The following INTS6L variants were observed in gnomAD, a reference collection of about 807,000 sequenced individuals.
INTS6L encodes the protein integrator complex subunit 6-like.
INTS6L carries 18 observed loss-of-function variants against 64.7 expected under a neutral mutation model. The ratio of observed to expected loss-of-function variants is 0.28; its 90% confidence interval spans 0.19 to 0.41. INTS6L has a LOEUF of 0.41. Among genes scored for constraint, INTS6L ranks in the 10% least tolerant of loss-of-function variants. INTS6L has a pLI of 1.00. For synonymous variants in INTS6L, 227 were observed against 235.9 expected (o/e 0.96, Z 0.34); for missense variants, 533 against 661.0 (o/e 0.81, Z 2.12).
Position 135,549,690 on chromosome X carries a change from C to A in INTS6L, c.791C>A (p.Pro264Gln). The A allele has an allele frequency of 8.3e-7, 1 of 1,211,798 alleles. No homozygotes were observed. The highest frequency in any genetic ancestry group is 1.1e-6 in the Non-Finnish European group (1 of 895,330). Residue 264 changes from proline (P) to glutamine (Q), a missense_variant, in exon 7 of 18, where the codon CCA becomes CAA. Pro to Gln is a moderately conservative substitution (Grantham distance 76, BLOSUM62 -1). Transcript: ENST00000639893. ...SRPSNSFAAQ[P>Q]WHSCHKLIYV... ...CCAAGCAATTCATTTGCTGCTCAGC[C>A]ATGGCATAGTTGTCATAAACTCATT... is the stretch of plus-strand genomic sequence containing the variant.
chrX:135,578,162 T>C (rs185911189), intron 15 of INTS6L, among the ~76,000 whole-genome samples: 23 of 112,007 alleles, frequency 2.1e-4, no homozygotes, highest in Non-Finnish European at 3.9e-4. Flanking sequence ...TGTCCTTCAC[T>C]GCGTTCTCTT....
In INTS6L at chrX:135,547,155, G is replaced by T. The variant is rs2086378191; in HGVS notation, c.632G>T (p.Arg211Ile). Residue 211 changes from arginine to isoleucine, a missense_variant, in exon 6 of 18, where the codon AGA (arginine) becomes ATA (isoleucine). Arg to Ile is a moderately conservative substitution (Grantham distance 97, BLOSUM62 -3). Coordinates refer to ENST00000639893, the MANE Select transcript of INTS6L (RefSeq NM_001351601.3). ...EVTGGRSYCV[R>I]TQRMLNQCLE... ...GGGATAGGTCGCTCCTACTGTGTGA[G>T]AACACAAAGAATGTTGAATCAATGT... is the stretch of plus-strand genomic sequence containing the variant. 8.3e-7 allele frequency: 1 copy of T among 1,209,441 alleles called. No individual in the cohort carries two copies. The highest frequency in any genetic ancestry group is 1.1e-6 in the Non-Finnish European group (1 of 894,321).
At chrX:135,560,318 C>T (rs1556521469) in intron 9 of INTS6L, among the ~76,000 whole-genome samples, 1 of 111,777 alleles carries the variant, frequency 8.9e-6, no homozygotes, top group African/African-American at 3.3e-5. Context: ...TGTAGATTCC[C>T]TGGAATTTTC....
chrX:135,541,499 C>T (rs1194529967), intron 2 of INTS6L, among the ~76,000 whole-genome samples: 1 of 112,248 alleles, frequency 8.9e-6, no homozygotes, highest in African/African-American at 3.2e-5. Flanking sequence ...TCCAAACTAG[C>T]CACACATCAA....
chrX:135,571,110 C>A (rs148519767), intron 11 of INTS6L: 4,968 of 111,223 alleles, frequency 0.045, 102 homozygotes, highest in Non-Finnish European at 0.07. Context: ...CCTCTCTTCT[C>A]ACCCTCCACC....
chrX:135,551,083 A>T (rs982872512), intron 7 of INTS6L, among the ~76,000 whole-genome samples: 2 of 112,208 alleles, frequency 1.8e-5, no homozygotes, highest in African/African-American at 3.2e-5. Flanking sequence ...CAACCCCCAA[A>T]CATCTTATAA....
intron 17 of INTS6L, 128 bp from the exon 18 acceptor site, chrX:135,581,400 C>A: frequency 3.6e-6 from 2 of 548,422 alleles, no homozygotes; most frequent in Non-Finnish European, 5.8e-6. Context: ...TAAGACATAT[C>A]TTTCCATGAG....
In INTS6L at chrX:135,547,262, G is replaced by C. The variant is rs782217865; in HGVS notation, c.739G>C (p.Glu247Gln). 6.6e-6 allele frequency: 8 copies of C among 1,205,028 alleles called. No individual in the cohort carries two copies. In the African/African-American group the frequency reaches 8.8e-5, roughly 13 times the overall value. The change falls in exon 6 of 18, where the codon GAA becomes CAA. Residue 247 changes from glutamate to glutamine, a missense_variant. By Grantham distance (29) the Glu-to-Gln change is conservative. Transcript: ENST00000639893. Reference sequence around the variant, plus strand: ...AGGACCAGATCCACTTCCTATTGGAGAAGGTATAGTAGATAACTTTTTTAA... The same window carrying C: ...AGGACCAGATCCACTTCCTATTGGACAAGGTATAGTAGATAACTTTTTTAA... The part of the protein sequence containing the change: ...KTGPDPLPIG[E>Q]DGLMDSSRPS...
intron 11 of INTS6L, chrX:135,572,535 C>T (rs2087116329): frequency 4.3e-6 from 1 of 232,960 alleles, no homozygotes; most frequent in Admixed American, 6.4e-5. Flanking sequence ...TTTTAAATGT[C>T]TATGAATGAA....
intron 1 of INTS6L, 21 bp from the exon 2 acceptor site, chrX:135,521,220 C>T: frequency 1.7e-6 from 2 of 1,204,832 alleles, no homozygotes; most frequent in Non-Finnish European, 2.2e-6. Context: ...GCGACCCCCT[C>T]CGTCATCCCT....
intron 9 of INTS6L, among the ~76,000 whole-genome samples, chrX:135,561,215 A>T (rs2086782795): frequency 9.0e-6 from 1 of 111,108 alleles, no homozygotes; most frequent in South Asian, 3.8e-4. Flanking sequence ...GGCCTTCCAA[A>T]GTGCTGGGAT....
chrX:135,529,044 A>G (rs2085829874), intron 2 of INTS6L, among the ~76,000 whole-genome samples: 2 of 111,671 alleles, frequency 1.8e-5, no homozygotes, highest in Admixed American at 1.9e-4. Context: ...TTGGTGATCC[A>G]ACTGGTTGGG....
At chrX:135,523,402 CAAAAAAAAAAAA>C (rs782434658) in intron 2 of INTS6L, among the ~76,000 whole-genome samples, 1 of 36,977 alleles carries the variant, frequency 2.7e-5, no homozygotes, top group East Asian at 1.1e-3. Context: ...ACTCTGTCGT[CAAAAAAAAAAAA>C]AAAAAAAAAA....
rs187258313 is a variant in INTS6L, at chrX:135,537,672, A to G, written c.190-7751A>G. On this transcript the variant is annotated intron_variant, in intron 2 of 17. Transcript: ENST00000639893. Reference sequence around the variant, plus strand: ...TGTTCTGTACTTAGATGTCAGGGAAAGTAGGCTTAAATTAAAATGAAATTT... The same window carrying G: ...TGTTCTGTACTTAGATGTCAGGGAAGGTAGGCTTAAATTAAAATGAAATTT... 8.2e-3 allele frequency among the ~76,000 whole-genome samples: 913 copies of G among 112,009 alleles called. 2 individuals carry two copies. The highest frequency in any genetic ancestry group is 0.014 in the Non-Finnish European group (750 of 53,195).
In INTS6L at chrX:135,575,126, A is replaced by C; in HGVS notation, c.1784A>C (p.Gln595Pro). The change falls in exon 14 of 18, where the codon CAG (glutamine) becomes CCG (proline). Residue 595 changes from glutamine (Q) to proline (P), a missense_variant. Coordinates refer to ENST00000639893, the MANE Select transcript of INTS6L (RefSeq NM_001351601.3). ...SVPVAQMGNYQEYLKTLASPL... is the reference protein window; with the variant it reads ...SVPVAQMGNYPEYLKTLASPL... ...CCAGTTGCACAAATGGGTAACTATC[A>C]GGAATATCTGAAGACATTGGCTTCT... The C allele has an allele frequency of 8.3e-7, 1 of 1,211,628 alleles. No homozygotes were observed. Among genetic ancestry groups the C allele is most frequent in the Non-Finnish European group, 1.1e-6 (1 of 895,320 alleles).
intron 8 of INTS6L, among the ~76,000 whole-genome samples, chrX:135,553,054 A>T (rs1556517614): frequency 8.9e-6 from 1 of 112,578 alleles, no homozygotes; most frequent in East Asian, 2.8e-4. Flanking sequence ...AAGGAGCAGG[A>T]TTAAAGCAAG....
chrX:135,546,945 T>C, intron 5 of INTS6L, 60 bp downstream of exon 5: 1 of 1,154,178 alleles, frequency 8.7e-7, no homozygotes, highest in Non-Finnish European at 1.2e-6. Flanking sequence ...ATATTTTTCA[T>C]TAAATGCCAT....
In INTS6L at chrX:135,570,845, A is replaced by G. The variant is rs782212534; in HGVS notation, c.1398+299A>G. The G allele has an allele frequency of 5.7e-4, 126 of 221,005 alleles. 1 individual carries two copies. Among genetic ancestry groups the G allele is most frequent in the East Asian group, 1.9e-3 (21 of 11,106 alleles). 18.2% of individuals were successfully genotyped at this position (221,005 alleles called of 1,213,427 possible). A position where few individuals can be genotyped will look rare whatever the true frequency, so the allele number is the denominator to read the frequency against. On this transcript the variant is annotated intron_variant, in intron 11 of 17. Coordinates refer to ENST00000639893, the MANE Select transcript of INTS6L (RefSeq NM_001351601.3). ...TTCTCTCATGGGTCACATTTTGTCT[A>G]TCTTCAACCTAGTTCCTCCTCAGAT...
At chrX:135,553,406 G>A (rs782726554) in intron 8 of INTS6L, among the ~76,000 whole-genome samples, 11 of 108,832 alleles carry the variant, frequency 1.0e-4, no homozygotes, top group Non-Finnish European at 2.1e-4. Flanking sequence ...CAAGCAAAGC[G>A]ATCCTCCCAC....
Sources: gnomAD v4.1 joint callset for allele counts (sites outside exome capture counted in the v4.1 genomes callset) on GRCh38, gnomAD v4.1.1 for gene constraint, MANE v1.5 for transcripts, NCBI Gene and HGNC (gene_info 2026-07-23, HGNC 2026-07-21) for gene names.